The following ZNF804A variants were observed in gnomAD, a reference collection of about 807,000 sequenced individuals.
The protein encoded by ZNF804A is zinc finger protein 804A.
ZNF804A carries 2 observed loss-of-function variants against 16.5 expected under a neutral mutation model. The observed-to-expected ratio is 0.12, with a 90% CI of 0.05 to 0.38. ZNF804A has a LOEUF of 0.38. Among genes scored for constraint, ZNF804A ranks in the 10% least tolerant of loss-of-function variants. The pLI, the probability that ZNF804A is intolerant of heterozygous loss-of-function variation, is 0.99. For synonymous variants in ZNF804A, 534 were observed against 489.6 expected (o/e 1.09, Z -1.20); for missense variants, 1,473 against 1,390.7 (o/e 1.06, Z -0.94).
intron 1 of ZNF804A, among the ~76,000 whole-genome samples, chr2:184,783,137 A>ATTTT (rs1558960282): frequency 2.5e-5 from 1 of 40,458 alleles, no homozygotes; most frequent in African/African-American, 7.1e-5. Flanking sequence ...TAAAAGAGTG[A>ATTTT]GTTTTTTTTT....
At chr2:184,748,319 T>G (rs1693825142) in intron 1 of ZNF804A, among the ~76,000 whole-genome samples, 1 of 151,498 alleles carries the variant, frequency 6.6e-6, no homozygotes, top group African/African-American at 2.4e-5. Flanking sequence ...TAATAGCCAT[T>G]GTGACTGGCA....
intron 1 of ZNF804A, among the ~76,000 whole-genome samples, chr2:184,811,050 A>G (rs531497396): frequency 2.0e-5 from 3 of 152,296 alleles, no homozygotes; most frequent in African/African-American, 7.2e-5. Context: ...GGATGTACAG[A>G]TGCATTTCTA....
chr2:184,719,710 C>T (rs1693275693), intron 1 of ZNF804A, among the ~76,000 whole-genome samples: 1 of 152,116 alleles, frequency 6.6e-6, no homozygotes, highest in Non-Finnish European at 1.5e-5. Context: ...CCAACAAGTT[C>T]CTCATCTTTG....
chr2:184,614,938 G>A (rs1480997612), intron 1 of ZNF804A, among the ~76,000 whole-genome samples: 3 of 152,174 alleles, frequency 2.0e-5, no homozygotes, highest in Non-Finnish European at 2.9e-5. Context: ...ACTGTTGGTG[G>A]GAGTGTAAAT....
intron 1 of ZNF804A, among the ~76,000 whole-genome samples, chr2:184,631,226 A>G (rs1474609626): frequency 6.6e-6 from 1 of 152,144 alleles, no homozygotes; most frequent in Non-Finnish European, 1.5e-5. Flanking sequence ...AAATTTTACC[A>G]TATACGTAAG....
At chr2:184,620,407 C>G (rs993040134) in intron 1 of ZNF804A, among the ~76,000 whole-genome samples, 1 of 151,728 alleles carries the variant, frequency 6.6e-6, no homozygotes, top group Non-Finnish European at 1.5e-5. Flanking sequence ...AAGAGGAAGA[C>G]TATCTGTGAA....
intron 1 of ZNF804A, among the ~76,000 whole-genome samples, chr2:184,664,327 TG>T (rs1330906368): frequency 6.6e-6 from 1 of 152,192 alleles, no homozygotes; most frequent in Non-Finnish European, 1.5e-5. Context: ...TCATCATGTA[TG>T]TTGAAGAGTA....
At chr2:184,835,088 A>G (rs756398050) in intron 1 of ZNF804A, among the ~76,000 whole-genome samples, 65 of 152,148 alleles carry the variant, frequency 4.3e-4, no homozygotes, top group Non-Finnish European at 1.0e-4. Flanking sequence ...TTAACAGGAT[A>G]GAAGAAGACC....
chr2:184,602,068 T>C (rs966119548), intron 1 of ZNF804A, among the ~76,000 whole-genome samples: 6 of 151,966 alleles, frequency 3.9e-5, no homozygotes, highest in Non-Finnish European at 7.4e-5. Context: ...CTGCCATTCA[T>C]ATTGAGAAGA....
intron 2 of ZNF804A, among the ~76,000 whole-genome samples, chr2:184,891,753 CA>C (rs905468415): frequency 3.3e-5 from 5 of 152,096 alleles, no homozygotes; most frequent in Non-Finnish European, 5.9e-5. Context: ...ATATACCTAA[CA>C]ATCGACAAAG....
chr2:184,624,196 A>G (rs1360590681), intron 1 of ZNF804A, among the ~76,000 whole-genome samples: 3 of 152,136 alleles, frequency 2.0e-5, no homozygotes, highest in African/African-American at 7.2e-5. Flanking sequence ...AAAAAATACT[A>G]TGAGAATGGT....
chr2:184,716,207 A>G (rs1437682992), intron 1 of ZNF804A, among the ~76,000 whole-genome samples: 1 of 152,110 alleles, frequency 6.6e-6, no homozygotes, highest in African/African-American at 2.4e-5. Flanking sequence ...ATGTAACTAT[A>G]ATTATATACC....
At chr2:184,707,115 C>T (rs981345753) in intron 1 of ZNF804A, among the ~76,000 whole-genome samples, 1 of 152,094 alleles carries the variant, frequency 6.6e-6, no homozygotes, top group Non-Finnish European at 1.5e-5. Context: ...ACTGACCTTG[C>T]AGATCCAAAT....
At chr2:184,639,363 C>G (rs1402113718) in intron 1 of ZNF804A, among the ~76,000 whole-genome samples, 3 of 151,794 alleles carry the variant, frequency 2.0e-5, no homozygotes, top group Admixed American at 2.0e-4. Context: ...TATCAGCCAC[C>G]GCGCCTGGCC....
At chr2:184,761,973 C>G (rs1306225463) in intron 1 of ZNF804A, among the ~76,000 whole-genome samples, 1 of 152,074 alleles carries the variant, frequency 6.6e-6, no homozygotes, top group Admixed American at 6.5e-5. Flanking sequence ...ATTTTTCCAA[C>G]CCAATGGAAG....
chr2:184,748,287 G>GTT (rs139158659), intron 1 of ZNF804A, among the ~76,000 whole-genome samples: 212 of 146,978 alleles, frequency 1.4e-3, no homozygotes, highest in Middle Eastern at 7.0e-3. Flanking sequence ...ACTAACATCT[G>GTT]TTTTTTTTTT....
At chr2:184,686,974 G>A (rs1262139083) in intron 1 of ZNF804A, among the ~76,000 whole-genome samples, 3 of 152,140 alleles carry the variant, frequency 2.0e-5, no homozygotes, top group Admixed American at 2.0e-4. Flanking sequence ...CTCTGATTCA[G>A]TAGGTTGTCT....
intron 1 of ZNF804A, among the ~76,000 whole-genome samples, chr2:184,783,281 A>G (rs1013752699): frequency 8.6e-5 from 13 of 151,268 alleles, no homozygotes; most frequent in Admixed American, 6.6e-5. Context: ...AGTGATCTAC[A>G]TAAAAATGAA....
chr2:184,606,832 TACACACACAC>T (rs10645645), intron 1 of ZNF804A, among the ~76,000 whole-genome samples: 6 of 149,336 alleles, frequency 4.0e-5, no homozygotes, highest in Non-Finnish European at 7.4e-5. Context: ...TAGGTGTGTC[TACACACACAC>T]ACACACACAC....
Sources: gnomAD v4.1 joint callset for allele counts (sites outside exome capture counted in the v4.1 genomes callset) on GRCh38, gnomAD v4.1.1 for gene constraint, MANE v1.5 for transcripts, NCBI Gene and HGNC (gene_info 2026-07-23, HGNC 2026-07-21) for gene names.